The following STK10 variants were observed in gnomAD, a reference collection of about 807,000 sequenced individuals.
The protein encoded by STK10 is serine/threonine kinase 10.
In STK10, 78 loss-of-function variants were observed where a neutral mutation model predicts 113.8. The ratio of observed to expected loss-of-function variants is 0.69; its 90% CI spans 0.57 to 0.83. STK10 has a LOEUF of 0.83. STK10 is among the 40% of genes least tolerant of loss of function. The pLI is 0.00. For missense variants in STK10, 1,109 were observed against 1,280.1 expected (o/e 0.87, Z 2.04); for synonymous variants, 465 against 494.7 (o/e 0.94, Z 0.80).
Position 172,096,466 on chromosome 5 carries a change from C to T in STK10, c.965G>A (p.Arg322Gln), listed in dbSNP as rs56181665. 298 of 1,613,480 alleles carry T rather than the reference C, an allele frequency of 1.8e-4. 1 individual carries two copies. The highest frequency in any genetic ancestry group is 9.8e-4 in the East Asian group (44 of 44,886). The change falls in exon 8 of 19, where the codon CGG (arginine) becomes CAG (glutamine). Residue 322 changes from arginine to glutamine, a missense_variant. Arg to Gln is a conservative substitution (Grantham distance 43). Around this residue, in one of 5 missense-constraint regions of STK10, gnomAD observed 885 missense variants for 991.1 expected, o/e 0.89. Coordinates refer to ENST00000176763, the MANE Select transcript of STK10 (RefSeq NM_005990.4). ...AEVMEEIEDG[R>Q]DEGEEEDAVD... ...GGCGTCCTCCTCTTCCCCCTCATCC[C>T]GGCCGTCTTCGATCTCTTCCATCAC...
intron 12 of STK10, among the ~76,000 whole-genome samples, chr5:172,078,834 A>G (rs1249305944): frequency 6.6e-6 from 1 of 151,868 alleles, no homozygotes; most frequent in East Asian, 1.9e-4. Flanking sequence ...AGGAAGTCCA[A>G]CTTTGTTAAG....
At chr5:172,096,253 C>T (rs1228797259) in intron 8 of STK10, among the ~76,000 whole-genome samples, 173 bp downstream of exon 8, 1 of 152,200 alleles carries the variant, frequency 6.6e-6, no homozygotes, top group East Asian at 1.9e-4. Flanking sequence ...GCTGCCTCAC[C>T]CCGGCCCACA....
intron 9 of STK10, 89 bp from the exon 10 acceptor site, chr5:172,090,451 C>A: frequency 6.6e-7 from 1 of 1,521,464 alleles, no homozygotes; most frequent in Non-Finnish European, 8.9e-7. Flanking sequence ...CTCTGCTGGG[C>A]CCACAGCTTC....
intron 4 of STK10, among the ~76,000 whole-genome samples, chr5:172,113,913 C>CAA (rs11382952): frequency 2.5e-5 from 3 of 122,270 alleles, no homozygotes; most frequent in African/African-American, 5.9e-5. Flanking sequence ...AACTCCATCT[C>CAA]AAAAAAAAAA....
chr5:172,124,630 A>G (rs1425519065), intron 3 of STK10, among the ~76,000 whole-genome samples: 2 of 152,142 alleles, frequency 1.3e-5, no homozygotes, highest in African/African-American at 4.8e-5. Flanking sequence ...TGTAAATTTC[A>G]CACATTCCTG....
At chr5:172,068,424 G>A (rs75347316) in intron 12 of STK10, among the ~76,000 whole-genome samples, 5,574 of 152,226 alleles carry the variant, frequency 0.037, 340 homozygotes, top group African/African-American at 0.13. Context: ...TCAGATGAAG[G>A]AAAGTAGGAA....
intron 2 of STK10, among the ~76,000 whole-genome samples, chr5:172,152,116 T>C (rs956808614): frequency 6.6e-6 from 1 of 152,212 alleles, no homozygotes; most frequent in East Asian, 1.9e-4. Context: ...TCCCCACTGA[T>C]TTTTCTTCCA....
At chr5:172,177,156 G>A (rs940465033) in intron 1 of STK10, among the ~76,000 whole-genome samples, 46 of 146,556 alleles carry the variant, frequency 3.1e-4, no homozygotes, top group African/African-American at 1.2e-3. Flanking sequence ...CAGCCTGGAT[G>A]AAGGAGTGCA....
intron 2 of STK10, among the ~76,000 whole-genome samples, chr5:172,155,112 G>T (rs1201937409): frequency 6.7e-6 from 1 of 148,210 alleles, no homozygotes; most frequent in East Asian, 2.0e-4. Context: ...AAAGTGGGTG[G>T]CTGGGTGGGT....
intron 2 of STK10, among the ~76,000 whole-genome samples, chr5:172,151,832 A>G (rs934612760): frequency 6.6e-6 from 1 of 152,150 alleles, no homozygotes; most frequent in African/African-American, 2.4e-5. Context: ...TGTGCTGCAG[A>G]CAGTCTAGCC....
chr5:172,169,922 C>T (rs1369491728), intron 1 of STK10, among the ~76,000 whole-genome samples: 1 of 152,230 alleles, frequency 6.6e-6, no homozygotes, highest in East Asian at 1.9e-4. Flanking sequence ...ACCAGGCCTT[C>T]GTTTCCTGAT....
At chr5:172,113,989 A>G (rs1286695433) in intron 4 of STK10, among the ~76,000 whole-genome samples, 12 of 152,202 alleles carry the variant, frequency 7.9e-5, no homozygotes, top group Non-Finnish European at 7.3e-5. Context: ...AAACTTATGC[A>G]TATCATCTGC....
In STK10 at chr5:172,120,806, A is replaced by G. The variant is rs1769495535; in HGVS notation, c.371-3176T>C. On this transcript the variant is annotated intron_variant, in intron 3 of 18. Coordinates refer to ENST00000176763, the MANE Select transcript of STK10 (RefSeq NM_005990.4). This position sits in a 1 kb window ranked among gnomAD's most constrained non-coding sequence, Gnocchi z 4.0. ...TTAATGGCAAAAATGTGTCTTGCTC[A>G]TGTCTAATTTACTGATATAAATGAA... is the stretch of plus-strand genomic sequence containing the variant. Among the ~76,000 whole-genome samples, 1 of 152,178 alleles carries G rather than the reference A, an allele frequency of 6.6e-6. No individual in the cohort carries two copies. The highest frequency in any genetic ancestry group is 1.5e-5 in the Non-Finnish European group (1 of 68,038).
At chr5:172,080,486 T>C (rs558461249) in intron 12 of STK10, among the ~76,000 whole-genome samples, 8 of 152,324 alleles carry the variant, frequency 5.3e-5, no homozygotes, top group African/African-American at 1.9e-4. Context: ...AAGTTGTGAA[T>C]GCAAAGAAAA....
At chr5:172,100,633 A>G (rs1433190352) in intron 7 of STK10, among the ~76,000 whole-genome samples, 3 of 152,006 alleles carry the variant, frequency 2.0e-5, no homozygotes, top group Non-Finnish European at 2.9e-5. Context: ...CTGAAAATAC[A>G]AGAATTAGCC....
chr5:172,169,835 G>A (rs114154654), intron 1 of STK10, among the ~76,000 whole-genome samples: 1,585 of 152,280 alleles, frequency 0.01, 36 homozygotes, highest in African/African-American at 0.036. Flanking sequence ...CGAGCAATTT[G>A]TGGAAACAGC....
At chr5:172,071,212 C>CAAAAAAAAAAAAAAAA (rs369407918) in intron 12 of STK10, among the ~76,000 whole-genome samples, 1 of 26,580 alleles carries the variant, frequency 3.8e-5, no homozygotes, top group African/African-American at 1.0e-4. Context: ...CTCTCTATCT[C>CAAAAAAAAAAAAAAAA]AAAAAAAAAA....
chr5:172,062,511 T>C (rs1041551210), intron 13 of STK10, among the ~76,000 whole-genome samples: 2 of 148,514 alleles, frequency 1.3e-5, no homozygotes, highest in Non-Finnish European at 3.0e-5. Context: ...TGTCCGTCGA[T>C]AGATAAATGG....
intron 2 of STK10, among the ~76,000 whole-genome samples, chr5:172,155,434 G>T (rs1209693845): frequency 1.3e-5 from 2 of 150,884 alleles, no homozygotes; most frequent in African/African-American, 2.4e-5. Flanking sequence ...GGAGGCGGAG[G>T]TTGCAGTCAG....
Sources: allele counts gnomAD v4.1 joint callset (sites outside exome capture counted in the v4.1 genomes callset), GRCh38; gene constraint gnomAD v4.1.1; regional missense constraint gnomAD v4.1.1; non-coding constraint Gnocchi (gnomAD v3.1); transcripts MANE v1.5; gene names NCBI Gene and HGNC (gene_info 2026-07-23, HGNC 2026-07-21).